The following PHACTR3 variants were observed in gnomAD, a reference collection of about 807,000 sequenced individuals.
PHACTR3 encodes the protein phosphatase and actin regulator 3, also known as protein phosphatase 1, regulatory subunit 123.
A neutral mutation model predicts 66.8 loss-of-function variants in PHACTR3; 16 were observed. The observed-to-expected ratio is 0.24, with a 90% CI of 0.16 to 0.36. The LOEUF is 0.36. Ranked by LOEUF, PHACTR3 falls within the 10% of genes least tolerant of loss-of-function variation. The probability of loss-of-function intolerance (pLI) is 1.00; values close to 1 mark genes in which losing one functional copy is unlikely to be tolerated. For missense variants in PHACTR3, 647 were observed against 719.9 expected, an observed-to-expected ratio of 0.90 and a Z score of 1.16; for synonymous variants, 323 against 292.1, an observed-to-expected ratio of 1.11 and a Z score of -1.08.
intron 1 of PHACTR3, among the ~76,000 whole-genome samples, chr20:59,620,029 G>A (rs1466917767): frequency 2.0e-5 from 3 of 152,096 alleles, no homozygotes; most frequent in Non-Finnish European, 4.4e-5. Flanking sequence ...GACCTGGAGG[G>A]GTGCCCCTCC....
In PHACTR3 at chr20:59,846,659, G is replaced by T. The variant is rs2059152888; in HGVS notation, c.1665-456G>T. On this transcript the variant is annotated intron_variant, in intron 12 of 12. Coordinates refer to ENST00000371015, the MANE Select transcript of PHACTR3 (RefSeq NM_080672.5). The stretch of plus-strand genomic sequence containing the variant: ...AAATAATGACTCTAATACTTAAAAT[G>T]TGGTATAAAGACCCTAAAATTATTT... Among the ~76,000 whole-genome samples the T allele has an allele frequency of 4.6e-5, 7 of 152,206 alleles. No homozygotes were observed. The South Asian group carries it at 1.5e-3, about 32-fold the overall frequency.
At chr20:59,589,807 A>G (rs2033137844) in intron 1 of PHACTR3, among the ~76,000 whole-genome samples, 1 of 152,254 alleles carries the variant, frequency 6.6e-6, no homozygotes, top group Non-Finnish European at 1.5e-5. Flanking sequence ...AGAAGTAAAC[A>G]CTAATAGTGT....
chr20:59,780,811 C>A (rs913031996), intron 7 of PHACTR3, among the ~76,000 whole-genome samples: 1 of 152,172 alleles, frequency 6.6e-6, no homozygotes, highest in African/African-American at 2.4e-5. Flanking sequence ...AGTTTCTTAA[C>A]CTCTCTGTGC....
intron 8 of PHACTR3, among the ~76,000 whole-genome samples, chr20:59,828,153 C>T (rs2042248356): frequency 6.6e-6 from 1 of 152,224 alleles, no homozygotes; most frequent in Admixed American, 6.5e-5. Flanking sequence ...TGGACACACA[C>T]AGGAGGTATT....
Position 59,614,757 on chromosome 20 carries a change from GA to G in PHACTR3, c.118+9631del, listed in dbSNP as rs2033973801. Reference sequence around the variant, plus strand: ...TCTTGAAAGTTTGTATCCATATATAGAAAAAATTGTTGCCTTATTGTAATCA... The same window carrying G: ...TCTTGAAAGTTTGTATCCATATATAGAAAAATTGTTGCCTTATTGTAATCA... On this transcript the variant is annotated intron_variant, in intron 1 of 12. Transcript: ENST00000371015. Among the ~76,000 whole-genome samples the G allele has an allele frequency of 3.9e-5, 6 of 152,272 alleles. No individual in the cohort carries two copies. The South Asian group carries it at 1.2e-3, about 32-fold the overall frequency.
At chr20:59,692,745 T>A (rs971161450) in intron 1 of PHACTR3, among the ~76,000 whole-genome samples, 15 of 152,142 alleles carry the variant, frequency 9.9e-5, no homozygotes, top group African/African-American at 3.6e-4. Context: ...GGAGCCTTGG[T>A]TAAAATATCA....
chr20:59,595,585 G>A (rs1040325706), intron 1 of PHACTR3, among the ~76,000 whole-genome samples: 1 of 152,226 alleles, frequency 6.6e-6, no homozygotes, highest in Non-Finnish European at 1.5e-5. Context: ...GTTTATAGAT[G>A]TCTGTTACAT....
chr20:59,773,701 T>C (rs2040433158), intron 6 of PHACTR3, among the ~76,000 whole-genome samples: 1 of 152,230 alleles, frequency 6.6e-6, no homozygotes, highest in Non-Finnish European at 1.5e-5. Context: ...CACAAAGTCC[T>C]GTGCGTGAGC....
chr20:59,714,585 T>C (rs1286662640), intron 1 of PHACTR3, among the ~76,000 whole-genome samples: 1 of 152,242 alleles, frequency 6.6e-6, no homozygotes, highest in Admixed American at 6.5e-5. Flanking sequence ...TTGTTGGAGA[T>C]TTAAAATCAG....
intron 1 of PHACTR3, among the ~76,000 whole-genome samples, chr20:59,741,829 C>T (rs2039172558): frequency 6.7e-6 from 1 of 150,306 alleles, no homozygotes; most frequent in Non-Finnish European, 1.5e-5. Flanking sequence ...ATGGTGTGAT[C>T]TTGGCTCACT....
intron 1 of PHACTR3, among the ~76,000 whole-genome samples, chr20:59,584,249 T>C (rs576266478): frequency 1.3e-5 from 2 of 151,696 alleles, no homozygotes; most frequent in Non-Finnish European, 2.9e-5. Flanking sequence ...TGCCTGATTG[T>C]GTGTGTGTAT....
intron 5 of PHACTR3, 143 bp downstream of exon 5, chr20:59,767,538 G>T: frequency 9.9e-7 from 1 of 1,011,530 alleles, no homozygotes; most frequent in South Asian, 1.6e-5. Flanking sequence ...AACCAGTCTT[G>T]ATTGGGCACC....
chr20:59,847,049 T>G, intron 12 of PHACTR3, 66 bp from the exon 13 acceptor site: 2 of 1,123,130 alleles, frequency 1.8e-6, no homozygotes, highest in Non-Finnish European at 2.6e-6. Context: ...TTGTATAAGG[T>G]TTTTGGCTAT....
intron 1 of PHACTR3, among the ~76,000 whole-genome samples, chr20:59,677,260 T>C (rs970488971): frequency 6.6e-6 from 1 of 152,198 alleles, no homozygotes. Context: ...CAGTGGAGAT[T>C]GAAGCCTTCA....
chr20:59,818,233 T>G (rs2041938571), intron 8 of PHACTR3, among the ~76,000 whole-genome samples: 1 of 152,154 alleles, frequency 6.6e-6, no homozygotes, highest in Non-Finnish European at 1.5e-5. Context: ...GGAAGTCACC[T>G]CCTGACATGC....
At chr20:59,683,260 G>A (rs1186947893) in intron 1 of PHACTR3, among the ~76,000 whole-genome samples, 1 of 152,202 alleles carries the variant, frequency 6.6e-6, no homozygotes, top group African/African-American at 2.4e-5. Flanking sequence ...TTCAATTTTG[G>A]CTACAGTGAA....
intron 1 of PHACTR3, among the ~76,000 whole-genome samples, chr20:59,711,324 A>C (rs1411467735): frequency 6.6e-6 from 1 of 152,124 alleles, no homozygotes; most frequent in Non-Finnish European, 1.5e-5. Flanking sequence ...AACAGCGTAA[A>C]CTTTTTTAAG....
chr20:59,803,934 G>A (rs894986251), intron 7 of PHACTR3, among the ~76,000 whole-genome samples: 8 of 152,160 alleles, frequency 5.3e-5, no homozygotes, highest in East Asian at 1.9e-4. Context: ...AAAGCTCTCC[G>A]TCCGTCCCTG....
chr20:59,616,778 C>T (rs2034040384), intron 1 of PHACTR3, among the ~76,000 whole-genome samples: 1 of 152,178 alleles, frequency 6.6e-6, no homozygotes, highest in Non-Finnish European at 1.5e-5. Flanking sequence ...TTCCCCTAAT[C>T]CTTGCAAGTA....
Sources: allele counts gnomAD v4.1 joint callset (sites outside exome capture counted in the v4.1 genomes callset), GRCh38; gene constraint gnomAD v4.1.1; transcripts MANE v1.5; gene names NCBI Gene and HGNC (gene_info 2026-07-23, HGNC 2026-07-21).